UFC1: variants seen among roughly 807,000 people sequenced by gnomAD.
UFC1 encodes ubiquitin-fold modifier-conjugating enzyme 1.
In UFC1, 22 loss-of-function variants were observed where a neutral mutation model predicts 28.0. The observed-to-expected ratio is 0.78, with a 90% CI of 0.56 to 1.12. The LOEUF (loss-of-function observed/expected upper bound fraction) is 1.12, where lower values mean the gene tolerates loss of function less well. Ranked by LOEUF, UFC1 falls within the 50% of genes most tolerant of loss-of-function variation. The pLI, the probability that UFC1 is intolerant of heterozygous loss-of-function variation, is 0.00. For missense variants in UFC1, 189 were observed against 207.8 expected, an observed-to-expected ratio of 0.91 and a Z score of 0.56; for synonymous variants, 61 against 74.5, an observed-to-expected ratio of 0.82 and a Z score of 0.93.
chr1:161,155,415 G>A (rs754479084), intron 1 of UFC1, among the ~76,000 whole-genome samples: 16 of 152,338 alleles, frequency 1.1e-4, no homozygotes, highest in African/African-American at 3.4e-4. Context: ...ATGTGAGGCA[G>A]GGAATGGTAG....
chr1:161,157,009 A>G lies in UFC1; in HGVS notation c.183A>G (p.Glu61=). Residue 61 remains glutamate (E), a synonymous_variant, in exon 2 of 6, where the codon GAA becomes GAG. Coordinates refer to ENST00000368003, the MANE Select transcript of UFC1 (RefSeq NM_016406.4). ...GGTTCCGACTGGAGTCCAACAAGGA[A>G]GGAACTCGGTAGGTAGACCCTCTTG... ...NDWFRLESNK[E]GTRWFGKCWY... 1.2e-6 allele frequency: 2 copies of G among 1,614,148 alleles called. No homozygotes were observed. The highest frequency in any genetic ancestry group is 1.7e-6 in the Non-Finnish European group (2 of 1,179,990).
rs962057124 is a variant in UFC1, at chr1:161,153,980, C to T, written c.-18C>T. 2.5e-6 allele frequency: 4 copies of T among 1,614,014 alleles called. No homozygotes were observed. Among genetic ancestry groups the T allele is most frequent in the African/African-American group, 2.7e-5 (2 of 75,044 alleles). ...CAGGCAACACCACTTCCGCGTTTCTCTTGCGCCCTGGTCCAAGATGGCGGA... is the reference window on the plus strand; with the variant it reads ...CAGGCAACACCACTTCCGCGTTTCTTTTGCGCCCTGGTCCAAGATGGCGGA... On this transcript the variant is annotated 5_prime_UTR_variant, in exon 1 of 6. Coordinates refer to ENST00000368003, the MANE Select transcript of UFC1 (RefSeq NM_016406.4).
Position 161,158,451 on chromosome 1 carries a change from C to G in UFC1, c.463C>G (p.Gln155Glu). The change falls in exon 6 of 6, where the codon CAG becomes GAG. Residue 155 changes from glutamine to glutamate, a missense_variant. Transcript: ENST00000368003. Reference protein sequence around the residue: ...WLAVEIPDLIQKGVIQHKEKC... With the variant: ...WLAVEIPDLIEKGVIQHKEKC... ...GGCAGTGGAAATCCCTGATCTGATT[C>G]AGAAGGGCGTCATCCAACACAAAGA... is the stretch of plus-strand genomic sequence containing the variant. 1.2e-6 allele frequency: 2 copies of G among 1,614,168 alleles called. No individual in the cohort carries two copies. Among genetic ancestry groups the G allele is most frequent in the African/African-American group, 1.3e-5 (1 of 75,030 alleles).
At chr1:161,154,274 G>T (rs568653766) in intron 1 of UFC1, among the ~76,000 whole-genome samples, 154 bp downstream of exon 1, 31 of 152,186 alleles carry the variant, frequency 2.0e-4, no homozygotes, top group Non-Finnish European at 4.4e-4. Flanking sequence ...GGGGACTAAG[G>T]AGGGATGGTG....
chr1:161,156,366 T>TAA (rs879622245), intron 1 of UFC1, among the ~76,000 whole-genome samples: 1 of 135,318 alleles, frequency 7.4e-6, no homozygotes, highest in African/African-American at 2.7e-5. Flanking sequence ...CCATCTCTAC[T>TAA]AAAAAAAAAA....
intron 3 of UFC1, 112 bp from the exon 4 acceptor site, chr1:161,157,505 C>T: frequency 7.9e-7 from 1 of 1,273,838 alleles, no homozygotes. Context: ...TGGATGTGCT[C>T]CTTGGGGAGT....
chr1:161,158,323 C>T, intron 5 of UFC1, 89 bp from the exon 6 acceptor site: 2 of 1,575,380 alleles, frequency 1.3e-6, no homozygotes, highest in South Asian at 1.1e-5. Context: ...TAAGCATGTT[C>T]CCCCAGAATC....
chr1:161,156,885 T>C, intron 1 of UFC1, 65 bp from the exon 2 acceptor site: 2 of 1,352,156 alleles, frequency 1.5e-6, no homozygotes, highest in Non-Finnish European at 2.1e-6. Flanking sequence ...TACTTTTCTT[T>C]TGAGGAGAGG....
Position 161,158,562 on chromosome 1 carries a change from A to G in UFC1, c.*70A>G. ...ACGATACTATTTTCCTGTGCATCAC[A>G]CTTAACTCATCTAACTGCTTCCCCG... is the stretch of plus-strand genomic sequence containing the variant. On this transcript the variant is annotated 3_prime_UTR_variant, in exon 6 of 6. Coordinates refer to ENST00000368003, the MANE Select transcript of UFC1 (RefSeq NM_016406.4). The G allele has an allele frequency of 7.2e-6, 11 of 1,538,290 alleles. No individual in the cohort carries two copies. Among genetic ancestry groups the G allele is most frequent in the South Asian group, 1.1e-5 (1 of 89,264 alleles).
At chr1:161,155,570 G>A (rs940291101) in intron 1 of UFC1, among the ~76,000 whole-genome samples, 2 of 152,232 alleles carry the variant, frequency 1.3e-5, no homozygotes, top group Admixed American at 6.5e-5. Flanking sequence ...ACAATTGACA[G>A]GGACAAGACT....
At chr1:161,156,843 A>C (rs1657521780) in intron 1 of UFC1, 107 bp from the exon 2 acceptor site, 1 of 1,026,944 alleles carries the variant, frequency 9.7e-7, no homozygotes, top group Non-Finnish European at 1.4e-6. Context: ...ATTCCATCTC[A>C]ATAAAAATAA....
chr1:161,158,571 A>C lies in UFC1; in HGVS notation c.*79A>C. On this transcript the variant is annotated 3_prime_UTR_variant, in exon 6 of 6. Coordinates refer to ENST00000368003, the MANE Select transcript of UFC1 (RefSeq NM_016406.4). ...TTTTCCTGTGCATCACACTTAACTC[A>C]TCTAACTGCTTCCCCGGACACCCTC... is the stretch of plus-strand genomic sequence containing the variant. 6.1e-5 allele frequency: 90 copies of C among 1,476,804 alleles called. No individual in the cohort carries two copies. Among genetic ancestry groups the C allele is most frequent in the Non-Finnish European group, 7.7e-5 (82 of 1,059,316 alleles). 91.5% of individuals were successfully genotyped at this position (1,476,804 alleles called of 1,614,324 possible).
chr1:161,157,915 A>C, intron 4 of UFC1: 1 of 640,482 alleles, frequency 1.6e-6, no homozygotes, highest in East Asian at 2.7e-5. Flanking sequence ...GAAAAAAAAA[A>C]AAAGGAAGAA....
rs955516957 is a variant in UFC1 at position 161,158,055 on chromosome 1, C to T, written c.333-66C>T. ...GATCACTAGTAGTCTTCCTATGCCC[C>T]CAAGAGGCTGCTGTGCTTTATGGTA... On this transcript the variant is annotated intron_variant, in intron 4 of 5. Transcript: ENST00000368003. The T allele has an allele frequency of 5.8e-5, 80 of 1,388,744 alleles. No individual in the cohort carries two copies. The Middle Eastern group carries it at 7.1e-4, about 12-fold the overall frequency. The allele number at this position is 1,388,744 out of a possible 1,614,324, so 86.0% of individuals were successfully genotyped here. A position where few individuals can be genotyped will look rare whatever the true frequency, so the allele number is the denominator to read the frequency against.
Position 161,158,543 on chromosome 1 carries a change from C to A in UFC1, c.*51C>A, listed in dbSNP as rs766159281. ...GAGGGACCTTTGATAGGCTACGATACTATTTTCCTGTGCATCACACTTAAC... is the reference window on the plus strand; with the variant it reads ...GAGGGACCTTTGATAGGCTACGATAATATTTTCCTGTGCATCACACTTAAC... On this transcript the variant is annotated 3_prime_UTR_variant, in exon 6 of 6. Coordinates refer to ENST00000368003, the MANE Select transcript of UFC1 (RefSeq NM_016406.4). 80 of 1,593,674 alleles carry A rather than the reference C, an allele frequency of 5.0e-5. No individual in the cohort carries two copies. Among genetic ancestry groups the A allele is most frequent in the Non-Finnish European group, 6.8e-5 (79 of 1,161,784 alleles).
At chr1:161,156,921 C>T (rs752983006) in intron 1 of UFC1, 29 bp from the exon 2 acceptor site, 2 of 1,605,786 alleles carry the variant, frequency 1.2e-6, no homozygotes, top group Non-Finnish European at 1.7e-6. Context: ...CCCAACTACT[C>T]TCTCAAAGAC....
Position 161,157,651 on chromosome 1 carries a change from T to C in UFC1, c.290T>C (p.Ile97Thr). The C allele has an allele frequency of 6.2e-7, 1 of 1,614,096 alleles. No homozygotes were observed. The highest frequency in any genetic ancestry group is 8.5e-7 in the Non-Finnish European group (1 of 1,179,970). ...PITYPTTAPE[I>T]AVPELDGKTA... ...ACATATCCTACTACTGCCCCAGAAA[T>C]TGCAGTTCCTGAGCTGGATGGAAAG... is the stretch of plus-strand genomic sequence containing the variant. The change falls in exon 4 of 6, where the codon ATT becomes ACT. Residue 97 changes from isoleucine (I) to threonine (T), a missense_variant. By Grantham distance (89) the Ile-to-Thr change is moderately conservative. Transcript: ENST00000368003.
chr1:161,158,579 G>T lies in UFC1; in HGVS notation c.*87G>T. Reference sequence around the variant, plus strand: ...TGCATCACACTTAACTCATCTAACTGCTTCCCCGGACACCCTCCACCTCTA... The same window carrying T: ...TGCATCACACTTAACTCATCTAACTTCTTCCCCGGACACCCTCCACCTCTA... On this transcript the variant is annotated 3_prime_UTR_variant, in exon 6 of 6. Coordinates refer to ENST00000368003, the MANE Select transcript of UFC1 (RefSeq NM_016406.4). The T allele has an allele frequency of 7.0e-7, 1 of 1,427,254 alleles. No individual in the cohort carries two copies. The highest frequency in any genetic ancestry group is 9.8e-7 in the Non-Finnish European group (1 of 1,019,204). The allele number at this position is 1,427,254 out of a possible 1,614,324, so 88.4% of individuals were successfully genotyped here.
In UFC1 at chr1:161,158,662, C is replaced by T. The variant is rs755818085; in HGVS notation, c.*170C>T. ...GGGGAAGAAACAAACACACACCAAA[C>T]AGTACTGCTACTTAGTTTCTAAGGC... is the stretch of plus-strand genomic sequence containing the variant. On this transcript the variant is annotated 3_prime_UTR_variant, in exon 6 of 6. Transcript: ENST00000368003. 1.3e-5 allele frequency: 9 copies of T among 681,180 alleles called. No homozygotes were observed. The highest frequency in any genetic ancestry group is 2.3e-5 in the Non-Finnish European group (9 of 386,936). 42.2% of individuals were successfully genotyped at this position (681,180 alleles called of 1,614,324 possible).
Sources: gnomAD v4.1 joint callset for allele counts (sites outside exome capture counted in the v4.1 genomes callset) on GRCh38, gnomAD v4.1.1 for gene constraint, MANE v1.5 for transcripts, NCBI Gene and HGNC (gene_info 2026-07-23, HGNC 2026-07-21) for gene names.